ELOC: variants seen among roughly 807,000 people sequenced by gnomAD.
ELOC encodes the protein elongin-C.
For missense variants in ELOC, 38 were observed against 139.0 expected, an observed-to-expected ratio of 0.27 and a Z score of 3.65; for synonymous variants, 40 against 51.3, an observed-to-expected ratio of 0.78 and a Z score of 0.94.
intron 1 of ELOC, among the ~76,000 whole-genome samples, chr8:73,962,552 A>C (rs555701199): frequency 6.8e-6 from 1 of 147,892 alleles, no homozygotes; most frequent in African/African-American, 2.4e-5. Flanking sequence ...ACTGCTTTGT[A>C]AATACTCTTT....
chr8:73,966,435 G>T (rs1033620550), intron 1 of ELOC, among the ~76,000 whole-genome samples: 3 of 151,842 alleles, frequency 2.0e-5, no homozygotes, highest in Non-Finnish European at 2.9e-5. Context: ...TATCAAAGAG[G>T]GGAACAGTGA....
intron 1 of ELOC, among the ~76,000 whole-genome samples, chr8:73,971,694 T>C (rs1001752473): frequency 2.6e-5 from 4 of 151,920 alleles, no homozygotes; most frequent in Non-Finnish European, 5.9e-5. Flanking sequence ...GAGAGACCTC[T>C]CCCTGGGCTA....
intron 1 of ELOC, among the ~76,000 whole-genome samples, chr8:73,970,855 A>AC (rs1212851941): frequency 1.4e-5 from 2 of 139,052 alleles, no homozygotes; most frequent in African/African-American, 5.9e-5. Context: ...TCTCTACTAA[A>AC]AAACAAAACA....
chr8:73,965,587 A>G (rs1325625542), intron 1 of ELOC, among the ~76,000 whole-genome samples: 1 of 152,250 alleles, frequency 6.6e-6, no homozygotes, highest in African/African-American at 2.4e-5. Context: ...ACCAATGGTG[A>G]CAGCTCAGCA....
intron 1 of ELOC, among the ~76,000 whole-genome samples, chr8:73,971,045 A>AAAAAAAG (rs1815354110): frequency 6.6e-6 from 1 of 150,984 alleles, no homozygotes; most frequent in African/African-American, 2.4e-5. Context: ...AAAAAAAAAA[A>AAAAAAAG]AAAAAAGAAA....
At chr8:73,951,377 G>T (rs1489260264) in intron 3 of ELOC, among the ~76,000 whole-genome samples, 4 of 151,796 alleles carry the variant, frequency 2.6e-5, no homozygotes, top group Non-Finnish European at 5.9e-5. Flanking sequence ...AAACATAGAA[G>T]AATTGTGGCC....
intron 1 of ELOC, among the ~76,000 whole-genome samples, chr8:73,964,133 G>GGA (rs1814804716): frequency 1.4e-5 from 2 of 147,168 alleles, no homozygotes; most frequent in South Asian, 2.2e-4. Flanking sequence ...ATAGTAGTGT[G>GGA]GATTGCAACA....
chr8:73,955,650 TA>T, intron 3 of ELOC: 1 of 412,174 alleles, frequency 2.4e-6, no homozygotes, highest in Non-Finnish European at 4.4e-6. Flanking sequence ...TACACACCTG[TA>T]ATTCCAGCTA....
At chr8:73,970,892 G>A (rs901920512) in intron 1 of ELOC, among the ~76,000 whole-genome samples, 4 of 147,596 alleles carry the variant, frequency 2.7e-5, no homozygotes, top group African/African-American at 1.0e-4. Context: ...AAATTAGCCG[G>A]CAGTGGTGGT....
At chr8:73,947,495 A>G (rs1282063505) in intron 3 of ELOC, among the ~76,000 whole-genome samples, 2 of 152,344 alleles carry the variant, frequency 1.3e-5, no homozygotes, top group East Asian at 1.9e-4. Context: ...TGGCAGCCCT[A>G]GCAAACTAAT....
Position 73,959,758 on chromosome 8 carries a change from A to G in ELOC, c.4+7T>C. 6.4e-7 allele frequency: 1 copy of G among 1,562,770 alleles called. No homozygotes were observed. Among genetic ancestry groups the G allele is most frequent in the Non-Finnish European group, 8.6e-7 (1 of 1,156,774 alleles). On this transcript the variant is annotated splice_region_variant and intron_variant, in intron 2 of 3. Coordinates refer to ENST00000520242, the MANE Select transcript of ELOC (RefSeq NM_005648.4). ...TTAAAACACAAAATTAATTATCTTT[A>G]GCTTACCCATTTTGTTCTTATGAAA...
In ELOC at chr8:73,959,829, A is replaced by G; in HGVS notation, c.-50-11T>C. On this transcript the variant is annotated splice_polypyrimidine_tract_variant and intron_variant, in intron 1 of 3. Coordinates refer to ENST00000520242, the MANE Select transcript of ELOC (RefSeq NM_005648.4). ...AACTTTAGTAGTTTCCTGAAAATAT[A>G]ACAATATCATATTAAGATTAATGTT... The G allele has an allele frequency of 7.3e-7, 1 of 1,373,370 alleles. No individual in the cohort carries two copies. Among genetic ancestry groups the G allele is most frequent in the Non-Finnish European group, 9.9e-7 (1 of 1,007,372 alleles). The allele number at this position is 1,373,370 out of a possible 1,614,324, so 85.1% of individuals were successfully genotyped here.
intron 3 of ELOC, among the ~76,000 whole-genome samples, chr8:73,951,984 T>C (rs748081398): frequency 4.6e-5 from 7 of 152,178 alleles, no homozygotes; most frequent in Admixed American, 1.3e-4. Flanking sequence ...GCTGATCTCT[T>C]ACTTCACAGC....
chr8:73,959,743 A>G lies in ELOC; in HGVS notation c.4+22T>C, dbSNP rs761795096. On this transcript the variant is annotated intron_variant, in intron 2 of 3. Coordinates refer to ENST00000520242, the MANE Select transcript of ELOC (RefSeq NM_005648.4). ...TCCAGTTTCTACTAGTTAAAACACA[A>G]AATTAATTATCTTTAGCTTACCCAT... 5 of 1,547,252 alleles carry G rather than the reference A, an allele frequency of 3.2e-6. No homozygotes were observed. In the African/African-American group the frequency reaches 4.2e-5, roughly 13 times the overall value.
chr8:73,971,099 G>A (rs374594179), intron 1 of ELOC, among the ~76,000 whole-genome samples: 4 of 148,146 alleles, frequency 2.7e-5, no homozygotes, highest in East Asian at 2.1e-4. Context: ...AGAAAGTGAG[G>A]TTTTAAGACA....
intron 3 of ELOC, among the ~76,000 whole-genome samples, chr8:73,952,205 A>G (rs146744373): frequency 6.6e-6 from 1 of 152,150 alleles, no homozygotes; most frequent in East Asian, 1.9e-4. Flanking sequence ...GGATTTCGAG[A>G]CCAGCCTGGC....
intron 1 of ELOC, among the ~76,000 whole-genome samples, chr8:73,968,059 C>T (rs1815110573): frequency 6.6e-6 from 1 of 152,284 alleles, no homozygotes; most frequent in Middle Eastern, 3.4e-3. Context: ...GCTTTCATCT[C>T]TTATCATAAA....
chr8:73,958,236 G>C (rs1321114654), intron 2 of ELOC, among the ~76,000 whole-genome samples: 1 of 151,996 alleles, frequency 6.6e-6, no homozygotes, highest in Non-Finnish European at 1.5e-5. Context: ...TGGGAAATAG[G>C]CGTGCACCAC....
At chr8:73,970,754 C>G (rs1815300170) in intron 1 of ELOC, 1 of 152,008 alleles carries the variant, frequency 6.6e-6, no homozygotes, top group Non-Finnish European at 1.5e-5. Context: ...AGCGCGGTGG[C>G]TCACGCCTGT....
Sources: allele counts gnomAD v4.1 joint callset (sites outside exome capture counted in the v4.1 genomes callset), GRCh38; gene constraint gnomAD v4.1.1; transcripts MANE v1.5; gene names NCBI Gene and HGNC (gene_info 2026-07-23, HGNC 2026-07-21).